Variants in PHACTR2 observed in about 807,000 individuals in gnomAD.
PHACTR2 encodes chromosome 6 open reading frame 56.
Under a neutral mutation model 76.0 loss-of-function variants are expected in PHACTR2, and 30 were observed. That is an observed-to-expected ratio of 0.39 (90% CI 0.30 to 0.54). PHACTR2 has a LOEUF of 0.54. Ranked by LOEUF, PHACTR2 falls within the 20% of genes least tolerant of loss-of-function variation. PHACTR2 has a pLI of 0.61. For synonymous variants in PHACTR2, 292 were observed against 292.5 expected (o/e 1.00, Z 0.02); for missense variants, 696 against 781.1 (o/e 0.89, Z 1.30).
intron 5 of PHACTR2, among the ~76,000 whole-genome samples, chr6:143,762,360 T>C (rs1779462632): frequency 6.6e-6 from 1 of 152,222 alleles, no homozygotes; most frequent in African/African-American, 2.4e-5. Context: ...TTGAGGTTTT[T>C]CCAGATATTT....
In PHACTR2 at chr6:143,567,151, A is replaced by G. The variant is rs962514099; in HGVS notation, c.217+29944A>G. Among the ~76,000 whole-genome samples the G allele has an allele frequency of 3.3e-5, 5 of 151,996 alleles. No homozygotes were observed. The South Asian group carries it at 8.3e-4, about 25-fold the overall frequency. ...AACACTTTCACTTCTTTAATTCACT[A>G]CCTCGAAGTACCAAAGTGACTTTAG... On this transcript the variant is annotated intron_variant, in intron 1 of 11. Coordinates refer to the PHACTR2 transcript ENST00000367584.
chr6:143,556,354 G>C lies in PHACTR2; in HGVS notation c.217+19147G>C, dbSNP rs146533010. ...GGCACAAGGCGTGGGCCAGGAGAGTGAATATCTGGTGGAGGGAGGTGAGGA... is the reference window on the plus strand; with the variant it reads ...GGCACAAGGCGTGGGCCAGGAGAGTCAATATCTGGTGGAGGGAGGTGAGGA... On this transcript the variant is annotated intron_variant, in intron 1 of 11. Transcript: ENST00000367584. This position sits in a 1 kb window ranked among gnomAD's most constrained non-coding sequence, Gnocchi z 4.3. 3.1e-3 allele frequency among the ~76,000 whole-genome samples: 472 copies of C among 152,340 alleles called. 1 individual carries two copies. Among genetic ancestry groups the C allele is most frequent in the Non-Finnish European group, 5.4e-3 (368 of 68,032 alleles).
At position 143,820,213 on chromosome 6, in the gene PHACTR2, T is replaced by C. The variant is rs1184670088; in HGVS notation, c.1923-3461T>C. On this transcript the variant is annotated intron_variant, in intron 12 of 12. Coordinates refer to ENST00000440869, the MANE Select transcript of PHACTR2 (RefSeq NM_001100164.2). This position sits in a 1 kb window ranked among gnomAD's most constrained non-coding sequence, Gnocchi z 4.2. ...GGCAGGGACAAATATCCAAACTGTATCATTTTGACCCTGGCTGCTCCCAAA... is the reference window on the plus strand; with the variant it reads ...GGCAGGGACAAATATCCAAACTGTACCATTTTGACCCTGGCTGCTCCCAAA... 6.6e-6 allele frequency among the ~76,000 whole-genome samples: 1 copy of C among 152,128 alleles called. No individual in the cohort carries two copies. The highest frequency in any genetic ancestry group is 2.4e-5 in the African/African-American group (1 of 41,436).
In PHACTR2 at chr6:143,793,563, A is replaced by G. The variant is rs1775760453; in HGVS notation, c.1845+4653A>G. Among the ~76,000 whole-genome samples the G allele has an allele frequency of 6.6e-6, 1 of 152,086 alleles. No homozygotes were observed. ...TTTTAGAAGTGGATTTTTATTGTGTATGTGTGTGTTTCTCTGGAAGAAAAT... is the reference window on the plus strand; with the variant it reads ...TTTTAGAAGTGGATTTTTATTGTGTGTGTGTGTGTTTCTCTGGAAGAAAAT... On this transcript the variant is annotated intron_variant, in intron 11 of 12. Coordinates refer to ENST00000440869, the MANE Select transcript of PHACTR2 (RefSeq NM_001100164.2). This position sits in a 1 kb window ranked among gnomAD's most constrained non-coding sequence, Gnocchi z 4.4.
At chr6:143,576,477 G>A (rs9285500) in intron 1 of PHACTR2, among the ~76,000 whole-genome samples, 1 of 151,988 alleles carries the variant, frequency 6.6e-6, no homozygotes, top group African/African-American at 2.4e-5. Flanking sequence ...TCATGACTAC[G>A]TAAATGGCTT....
At position 143,791,634 on chromosome 6, in the gene PHACTR2, T is replaced by G. The variant is rs1234120399; in HGVS notation, c.1845+2724T>G. ...AGATTTCTGTACCCTTAGTTATTTT[T>G]TTGTCAGTTTGATCCATCAGGTAAC... On this transcript the variant is annotated intron_variant, in intron 11 of 12. Coordinates refer to ENST00000440869, the MANE Select transcript of PHACTR2 (RefSeq NM_001100164.2). This position sits in a 1 kb window ranked among gnomAD's most constrained non-coding sequence, Gnocchi z 4.7. 6.6e-6 allele frequency among the ~76,000 whole-genome samples: 1 copy of G among 152,222 alleles called. No individual in the cohort carries two copies. The highest frequency in any genetic ancestry group is 1.5e-5 in the Non-Finnish European group (1 of 68,046).
intron 1 of PHACTR2, among the ~76,000 whole-genome samples, chr6:143,645,963 A>G (rs1776653247): frequency 6.6e-6 from 1 of 152,222 alleles, no homozygotes; most frequent in African/African-American, 2.4e-5. Flanking sequence ...AATGATTGAA[A>G]GGATTGATTA....
At position 143,570,805 on chromosome 6, in the gene PHACTR2, G is replaced by A. The variant is rs1004439424; in HGVS notation, c.217+33598G>A. Among the ~76,000 whole-genome samples the A allele has an allele frequency of 4.6e-5, 7 of 152,010 alleles. No individual in the cohort carries two copies. The highest frequency in any genetic ancestry group is 2.1e-4 in the South Asian group (1 of 4,812). On this transcript the variant is annotated intron_variant, in intron 1 of 11. Coordinates refer to the PHACTR2 transcript ENST00000367584. This position sits in a 1 kb window ranked among gnomAD's most constrained non-coding sequence, Gnocchi z 4.6. ...CTATCTTATTGAGCACACTTTTGACGGTGGAGATGCCGCTTTATTGCAAAT... is the reference window on the plus strand; with the variant it reads ...CTATCTTATTGAGCACACTTTTGACAGTGGAGATGCCGCTTTATTGCAAAT...
intron 2 of PHACTR2, among the ~76,000 whole-genome samples, chr6:143,724,148 T>G (rs374580858): frequency 2.4e-4 from 37 of 151,852 alleles, no homozygotes; most frequent in African/African-American, 8.7e-4. Flanking sequence ...TGTTTGTTGT[T>G]GTTTTGAGAT....
In PHACTR2 at chr6:143,608,372, C is replaced by A; in HGVS notation, c.13+50C>A. ...TCATAGCTGCTGGCTTCCTTTGCAGCCCGCATCCTTTACTGCGGAAGGTTT... is the reference window on the plus strand; with the variant it reads ...TCATAGCTGCTGGCTTCCTTTGCAGACCGCATCCTTTACTGCGGAAGGTTT... On this transcript the variant is annotated intron_variant, in intron 1 of 11. Coordinates refer to the PHACTR2 transcript ENST00000305766. The surrounding 1 kb of genome is among the most constrained non-coding windows in gnomAD (Gnocchi z 4.6). The A allele has an allele frequency of 1.9e-6, 3 of 1,597,606 alleles. No individual in the cohort carries two copies. The highest frequency in any genetic ancestry group is 2.6e-6 in the Non-Finnish European group (3 of 1,165,270).
At position 143,536,919 on chromosome 6, in the gene PHACTR2, CCGGGCAGCAG is replaced by C; in HGVS notation, c.-63_-54del. The stretch of plus-strand genomic sequence containing the variant: ...CCGGGTCGCGGCGCGCGGGGCAGAG[CCGGGCAGCAG>C]CGGGCAGCGCAGCCCTCGGCGCCGG... On this transcript the variant is annotated 5_prime_UTR_variant, in exon 1 of 12. Transcript: ENST00000367584. The surrounding 1 kb of genome is among the most constrained non-coding windows in gnomAD (Gnocchi z 5.4). The C allele has an allele frequency of 6.5e-6, 1 of 152,988 alleles. No homozygotes were observed. Among genetic ancestry groups the C allele is most frequent in the Admixed American group, 6.6e-5 (1 of 15,230 alleles). The allele number at this position is 152,988 out of a possible 1,614,324, so 9.5% of individuals were successfully genotyped here.
At chr6:143,576,908 A>C (rs1476342691) in intron 1 of PHACTR2, among the ~76,000 whole-genome samples, 1 of 143,446 alleles carries the variant, frequency 7.0e-6, no homozygotes, top group Non-Finnish European at 1.5e-5. Context: ...AAAAAAAAAA[A>C]TTATTTGAAG....
intron 1 of PHACTR2, among the ~76,000 whole-genome samples, chr6:143,620,469 T>C (rs1037412818): frequency 1.3e-5 from 2 of 152,064 alleles, no homozygotes; most frequent in Non-Finnish European, 1.5e-5. Context: ...TGTACATACT[T>C]CACCAAATTC....
chr6:143,787,185 C>T lies in PHACTR2; in HGVS notation c.1708-1588C>T, dbSNP rs78733187. Reference sequence around the variant, plus strand: ...ATAGCTCCATGCCGTAGGTGCAGGTCAGCCCGTAGCACTGGTAGCTACCCC... The same window carrying T: ...ATAGCTCCATGCCGTAGGTGCAGGTTAGCCCGTAGCACTGGTAGCTACCCC... On this transcript the variant is annotated intron_variant, in intron 10 of 12. Transcript: ENST00000440869. This position sits in a 1 kb window ranked among gnomAD's most constrained non-coding sequence, Gnocchi z 4.6. Among the ~76,000 whole-genome samples, 2,065 of 152,334 alleles carry T rather than the reference C, an allele frequency of 0.014. 51 individuals carry two copies. Among genetic ancestry groups the T allele is most frequent in the African/African-American group, 0.046 (1,893 of 41,580 alleles).
At chr6:143,613,258 A>T (rs1177411808) in intron 1 of PHACTR2, among the ~76,000 whole-genome samples, 1 of 152,272 alleles carries the variant, frequency 6.6e-6, no homozygotes, top group African/African-American at 2.4e-5. Context: ...TACAGGCGTG[A>T]GCCACCGCGC....
rs981348371 is a variant in PHACTR2 at position 143,647,913 on chromosome 6, A to G, written c.13+39591A>G. Among the ~76,000 whole-genome samples, 1 of 152,110 alleles carries G rather than the reference A, an allele frequency of 6.6e-6. No homozygotes were observed. Among genetic ancestry groups the G allele is most frequent in the Non-Finnish European group, 1.5e-5 (1 of 68,016 alleles). ...TTGTAGGCCCTGGTAAGGATTTAGG[A>G]CTTTCTTTTGACTTCTGTGATAAGA... On this transcript the variant is annotated intron_variant, in intron 1 of 11. Transcript: ENST00000305766. This position sits in a 1 kb window ranked among gnomAD's most constrained non-coding sequence, Gnocchi z 4.2.
intron 11 of PHACTR2, among the ~76,000 whole-genome samples, chr6:143,790,755 G>C (rs1175460306): frequency 7.3e-5 from 11 of 150,246 alleles, no homozygotes; most frequent in Non-Finnish European, 1.2e-4. Flanking sequence ...CTCACTGCAA[G>C]CTCCACCTCC....
In PHACTR2 at chr6:143,539,658, G is replaced by A. The variant is rs1199767570; in HGVS notation, c.217+2451G>A. Among the ~76,000 whole-genome samples the A allele has an allele frequency of 6.6e-6, 1 of 152,182 alleles. No individual in the cohort carries two copies. Among genetic ancestry groups the A allele is most frequent in the Non-Finnish European group, 1.5e-5 (1 of 68,034 alleles). On this transcript the variant is annotated intron_variant, in intron 1 of 11. Coordinates refer to the PHACTR2 transcript ENST00000367584. The surrounding 1 kb of genome is among the most constrained non-coding windows in gnomAD (Gnocchi z 4.3). ...TCCAGAAGCTCTGGGCACACACAGA[G>A]GCAGCACCTAGAGCAAGGTCATGTG...
At chr6:143,545,074 G>A (rs1774960755) in intron 1 of PHACTR2, among the ~76,000 whole-genome samples, 1 of 151,982 alleles carries the variant, frequency 6.6e-6, no homozygotes, top group African/African-American at 2.4e-5. Flanking sequence ...CTCCTGAATA[G>A]CTGGGACTAC....
Sources: allele counts gnomAD v4.1 joint callset (sites outside exome capture counted in the v4.1 genomes callset), GRCh38; gene constraint gnomAD v4.1.1; non-coding constraint Gnocchi (gnomAD v3.1); transcripts MANE v1.5; gene names NCBI Gene and HGNC (gene_info 2026-07-23, HGNC 2026-07-21).